Variants in RINT1 observed in about 807,000 individuals in gnomAD.
RINT1 encodes RAD50 interactor 1, also known as RAD50-interacting protein 1.
RINT1 carries 75 observed loss-of-function variants against 97.7 expected under a neutral mutation model. The ratio of observed to expected loss-of-function variants is 0.77; its 90% CI spans 0.64 to 0.93. The LOEUF (loss-of-function observed/expected upper bound fraction) is 0.93. Ranked by LOEUF, RINT1 falls within the 40% of genes least tolerant of loss-of-function variation. The pLI, the probability that RINT1 is intolerant of heterozygous loss-of-function variation, is 0.00. For synonymous variants in RINT1, 303 were observed against 326.3 expected (o/e 0.93, Z 0.77); for missense variants, 892 against 925.2 (o/e 0.96, Z 0.47).
intron 14 of RINT1, 67 bp from the exon 15 acceptor site, chr7:105,567,052 C>T (rs1791789635): frequency 1.9e-6 from 2 of 1,046,044 alleles, no homozygotes; most frequent in Admixed American, 5.5e-5. Context: ...TTAGGATTCT[C>T]AAAATTGTAA....
intron 3 of RINT1, among the ~76,000 whole-genome samples, chr7:105,540,812 G>T (rs982234523): frequency 6.6e-6 from 1 of 151,192 alleles, no homozygotes; most frequent in African/African-American, 2.4e-5. Flanking sequence ...TAGATGCTCA[G>T]CCTGTTAGAA....
intron 6 of RINT1, among the ~76,000 whole-genome samples, chr7:105,547,875 G>T (rs1790742392): frequency 6.6e-6 from 1 of 151,744 alleles, no homozygotes; most frequent in Non-Finnish European, 1.5e-5. Context: ...TTACAGGCGT[G>T]CACCACTATG....
intron 10 of RINT1, among the ~76,000 whole-genome samples, chr7:105,553,518 A>G (rs867745415): frequency 6.6e-6 from 1 of 150,686 alleles, no homozygotes; most frequent in Non-Finnish European, 1.5e-5. Flanking sequence ...CAGGAGATCG[A>G]GACCATCCTG....
chr7:105,565,564 C>T lies in RINT1; in HGVS notation c.2102C>T (p.Ala701Val), dbSNP rs2133480241. 6.2e-7 allele frequency: 1 copy of T among 1,613,902 alleles called. No individual in the cohort carries two copies. The highest frequency in any genetic ancestry group is 8.5e-7 in the Non-Finnish European group (1 of 1,179,800). The change falls in exon 14 of 15, where the codon GCA becomes GTA. Residue 701 changes from alanine (A) to valine (V), a missense_variant. By Grantham distance (64) the Ala-to-Val change is moderately conservative. Coordinates refer to ENST00000257700, the MANE Select transcript of RINT1 (RefSeq NM_021930.6). ...ILANHFNEGG[A>V]AQLQFDMTRN... is the part of the protein sequence containing the mutation. ...GCTAATCACTTCAATGAAGGAGGAG[C>T]AGCCCAGCTGCAGTTTGATATGACT...
At chr7:105,555,292 C>A in intron 11 of RINT1, 65 bp downstream of exon 11, 1 of 1,339,358 alleles carries the variant, frequency 7.5e-7, no homozygotes, top group Middle Eastern at 1.9e-4. Flanking sequence ...TAATACTTTT[C>A]AAAATGTTGA....
At chr7:105,559,361 T>C (rs1791325702) in intron 11 of RINT1, among the ~76,000 whole-genome samples, 1 of 151,710 alleles carries the variant, frequency 6.6e-6, no homozygotes, top group Non-Finnish European at 1.5e-5. Flanking sequence ...GCCAAGATGG[T>C]GAAACCCCAT....
intron 12 of RINT1, 126 bp downstream of exon 12, chr7:105,564,073 T>A: frequency 1.5e-6 from 1 of 664,624 alleles, no homozygotes; most frequent in Non-Finnish European, 2.6e-6. Flanking sequence ...TTGATGGAAA[T>A]ATTTCTAAAG....
intron 10 of RINT1, 54 bp from the exon 11 acceptor site, chr7:105,554,968 TTATAAC>T (rs1445720912): frequency 1.0e-4 from 141 of 1,374,640 alleles, no homozygotes; most frequent in Non-Finnish European, 1.3e-4. Context: ...TAGGGAAAAC[TTATAAC>T]TATATCATAG....
At position 105,551,546 on chromosome 7, in the gene RINT1, A is replaced by G. The variant is rs748219405; in HGVS notation, c.1334-24A>G. On this transcript the variant is annotated intron_variant, in intron 9 of 14. Coordinates refer to ENST00000257700, the MANE Select transcript of RINT1 (RefSeq NM_021930.6). ...GAACGACTGTAACTACTTAATTGACATAATTGTTTTGTCTGCTTATCAGTT... is the reference window on the plus strand; with the variant it reads ...GAACGACTGTAACTACTTAATTGACGTAATTGTTTTGTCTGCTTATCAGTT... The G allele has an allele frequency of 1.2e-5, 19 of 1,561,300 alleles. 1 individual carries two copies. The South Asian group carries it at 2.0e-4, about 17-fold the overall frequency.
At chr7:105,543,138 C>T (rs1156644563) in intron 4 of RINT1, among the ~76,000 whole-genome samples, 1 of 152,110 alleles carries the variant, frequency 6.6e-6, no homozygotes, top group African/African-American at 2.4e-5. Flanking sequence ...TGTCCGCCAG[C>T]CTCGGCCGCT....
chr7:105,551,460 GGTTT>G, intron 9 of RINT1, 106 bp from the exon 10 acceptor site: 1 of 929,794 alleles, frequency 1.1e-6, no homozygotes, highest in African/African-American at 1.7e-5. Context: ...GGATATTGTA[GGTTT>G]GTTTCTTTTT....
intron 11 of RINT1, among the ~76,000 whole-genome samples, chr7:105,556,523 T>TA (rs1791188032): frequency 4.8e-5 from 7 of 146,626 alleles, no homozygotes; most frequent in African/African-American, 1.2e-4. Context: ...AAGAACTCTT[T>TA]TAAAAAAAAA....
chr7:105,550,780 ACT>A (rs988494052), intron 9 of RINT1, among the ~76,000 whole-genome samples: 22 of 151,566 alleles, frequency 1.5e-4, no homozygotes, highest in African/African-American at 4.8e-4. Flanking sequence ...TTTGGGACAG[ACT>A]CTTGCTCTGT....
At chr7:105,560,603 G>C (rs1328751080) in intron 11 of RINT1, among the ~76,000 whole-genome samples, 1 of 152,272 alleles carries the variant, frequency 6.6e-6, no homozygotes, top group East Asian at 1.9e-4. Flanking sequence ...AAATCTTTGG[G>C]AGAATTCTCA....
chr7:105,546,833 C>G lies in RINT1; in HGVS notation c.516-77C>G, dbSNP rs189557505. 1.5e-5 allele frequency: 15 copies of G among 1,024,798 alleles called. No individual in the cohort carries two copies. The East Asian group carries it at 3.7e-4, about 25-fold the overall frequency. The allele number at this position is 1,024,798 out of a possible 1,614,324, so 63.5% of individuals were successfully genotyped here. A position where few individuals can be genotyped will look rare whatever the true frequency, so the allele number is the denominator to read the frequency against. On this transcript the variant is annotated intron_variant, in intron 4 of 14. Coordinates refer to ENST00000257700, the MANE Select transcript of RINT1 (RefSeq NM_021930.6). ...AGAATTTGCATTGAGCCAAATCATG[C>G]CACTGCACTCCAACCTGGGCAACAG...
intron 9 of RINT1, among the ~76,000 whole-genome samples, chr7:105,551,145 C>T (rs1586242611): frequency 6.6e-6 from 1 of 152,168 alleles, no homozygotes; most frequent in African/African-American, 2.4e-5. Flanking sequence ...CCTCCTGCCT[C>T]AGCCACCCCA....
At chr7:105,555,007 T>C (rs753821521) in intron 10 of RINT1, 21 bp from the exon 11 acceptor site, 3 of 1,602,444 alleles carry the variant, frequency 1.9e-6, no homozygotes, top group Non-Finnish European at 2.6e-6. Flanking sequence ...CCTTCATATG[T>C]CTTAATAACT....
rs749487545 is a variant in RINT1, at chr7:105,565,362, CAT to C, written c.1973_1974del (p.His658LeufsTer14). The C allele has an allele frequency of 6.2e-7, 1 of 1,614,030 alleles. No individual in the cohort carries two copies. Among genetic ancestry groups the C allele is most frequent in the African/African-American group, 1.3e-5 (1 of 74,918 alleles). On this transcript the variant is annotated frameshift_variant, in exon 13 of 15. Transcript: ENST00000257700. LOFTEE classifies it high-confidence loss of function. ...CCCGTTGCTGCTGACGTTACGAGAC[CAT>C]TTACTTCAGTTGGAGCAGCAGCTTT... ...ACPLLLTLRDHLLQLEQQLCF... is the reference protein window; with the variant it reads ...ACPLLLTLRDXLLQLEQQLCF...
At chr7:105,545,722 G>T (rs930294506) in intron 4 of RINT1, among the ~76,000 whole-genome samples, 55 of 150,868 alleles carry the variant, frequency 3.6e-4, no homozygotes, top group African/African-American at 1.3e-3. Context: ...GACGGGAAGG[G>T]TTTCACCAAG....
Sources: gnomAD v4.1 joint callset for allele counts (sites outside exome capture counted in the v4.1 genomes callset) on GRCh38, gnomAD v4.1.1 for gene constraint, MANE v1.5 for transcripts, NCBI Gene and HGNC (gene_info 2026-07-23, HGNC 2026-07-21) for gene names.